Variants in CLTCL1 observed in about 807,000 individuals in gnomAD.
CLTCL1 encodes clathrin heavy chain 2.
A neutral mutation model predicts 190.0 loss-of-function variants in CLTCL1; 159 were observed. That is an observed-to-expected ratio of 0.84 (90% CI 0.74 to 0.95). The LOEUF is 0.95. Ranked by LOEUF, CLTCL1 falls within the 40% of genes least tolerant of loss-of-function variation. The pLI is 0.00. For synonymous variants in CLTCL1, 752 were observed against 769.6 expected (o/e 0.98, Z 0.38); for missense variants, 1,878 against 2,033.4 (o/e 0.92, Z 1.47).
At chr22:19,228,847 G>A (rs1237958942) in intron 11 of CLTCL1, among the ~76,000 whole-genome samples, 4 of 152,108 alleles carry the variant, frequency 2.6e-5, no homozygotes, top group African/African-American at 7.2e-5. Context: ...ACAAGTTTCA[G>A]GCCAACAAAT....
intron 3 of CLTCL1, 22 bp from the exon 4 acceptor site, chr22:19,242,958 T>C (rs1474664297): frequency 6.3e-7 from 1 of 1,598,366 alleles, no homozygotes; most frequent in South Asian, 1.1e-5. Flanking sequence ...TATTATGCAA[T>C]GAAAGGGAGA....
intron 18 of CLTCL1, among the ~76,000 whole-genome samples, chr22:19,217,822 T>C (rs1555950358): frequency 7.0e-6 from 1 of 143,750 alleles, no homozygotes; most frequent in East Asian, 2.0e-4. Context: ...CACTCCAGCC[T>C]GGTGAAGAGC....
At chr22:19,274,981 G>T (rs535567130) in intron 2 of CLTCL1, among the ~76,000 whole-genome samples, 101 of 152,094 alleles carry the variant, frequency 6.6e-4, no homozygotes, top group Non-Finnish European at 8.4e-4. Flanking sequence ...TGCCTGCCTC[G>T]GCCTCCCAAA....
chr22:19,193,418 CT>C (rs1555933648), intron 26 of CLTCL1, among the ~76,000 whole-genome samples: 1 of 152,192 alleles, frequency 6.6e-6, no homozygotes, highest in East Asian at 1.9e-4. Context: ...GGCGGGGCCC[CT>C]CTGGAGCGTC....
At chr22:19,185,338 T>TC (rs1271623750) in intron 29 of CLTCL1, among the ~76,000 whole-genome samples, 2 of 151,368 alleles carry the variant, frequency 1.3e-5, no homozygotes, top group Admixed American at 6.6e-5. Flanking sequence ...TTTTTTTTTT[T>TC]TTTCTTGAGA....
intron 3 of CLTCL1, among the ~76,000 whole-genome samples, chr22:19,252,433 T>C (rs893388850): frequency 7.2e-5 from 11 of 152,196 alleles, no homozygotes; most frequent in African/African-American, 2.7e-4. Flanking sequence ...TTCTGTGCCT[T>C]TGCATACACT....
chr22:19,222,013 G>C lies in CLTCL1; in HGVS notation c.2499C>G (p.Ile833Met), dbSNP rs782601002. The stretch of plus-strand genomic sequence containing the variant: ...TAGAGAACTGTCCTCTCACTGCCAT[G>C]ATTAAGTGTTTAATCACTTCCTCAG... ...DCSEEVIKHL[I>M]MAVRGQFSTD... The change falls in exon 16 of 33, where the codon ATC (isoleucine) becomes ATG (methionine). Residue 833 changes from isoleucine (I) to methionine (M), a missense_variant. By Grantham distance (10) the Ile-to-Met change is conservative (BLOSUM62 1). Transcript: ENST00000427926. 2.3e-5 allele frequency: 37 copies of C among 1,613,840 alleles called. No homozygotes were observed. Among genetic ancestry groups the C allele is most frequent in the Non-Finnish European group, 3.1e-5 (37 of 1,179,854 alleles).
chr22:19,183,497 A>G lies in CLTCL1; in HGVS notation c.4720T>C (p.Tyr1574His). The G allele has an allele frequency of 1.2e-6, 2 of 1,613,002 alleles. No individual in the cohort carries two copies. The highest frequency in any genetic ancestry group is 2.2e-5 in the South Asian group (2 of 91,078). Residue 1574 changes from tyrosine to histidine, a missense_variant, in exon 30 of 33, where the codon TAT becomes CAT. Transcript: ENST00000427926. ...ACCATGTCTGGGCGAAGCAGGTCAT[A>G]GCAGGTGAAGAGACAAGCTGCGAAG... The part of the protein sequence containing the change: ...ECFAACLFTC[Y>H]DLLRPDMVLE...
intron 2 of CLTCL1, among the ~76,000 whole-genome samples, chr22:19,273,273 A>T (rs1472857851): frequency 6.6e-6 from 1 of 152,220 alleles, no homozygotes; most frequent in Admixed American, 6.5e-5. Context: ...ATGATCTGAG[A>T]TTTTACTGCT....
intron 20 of CLTCL1, among the ~76,000 whole-genome samples, chr22:19,209,931 G>A (rs2085165161): frequency 6.6e-6 from 1 of 152,128 alleles, no homozygotes; most frequent in East Asian, 1.9e-4. Flanking sequence ...TGAGGAGATG[G>A]GGGAATGGGG....
At chr22:19,257,991 C>T (rs782657911) in intron 2 of CLTCL1, 20 of 591,288 alleles carry the variant, frequency 3.4e-5, no homozygotes, top group Non-Finnish European at 5.8e-5. Flanking sequence ...ACTGACAATG[C>T]CCATCTTGCT....
At position 19,225,632 on chromosome 22, in the gene CLTCL1, C is replaced by T. The variant is rs782368045; in HGVS notation, c.1949G>A (p.Trp650Ter). 1.9e-6 allele frequency: 3 copies of T among 1,568,296 alleles called. No homozygotes were observed. Among genetic ancestry groups the T allele is most frequent in the Non-Finnish European group, 1.7e-6 (2 of 1,156,574 alleles). ...VVHTHLLNPEWLVNFFGSLSV... is the reference protein window; with the variant it reads ...VVHTHLLNPE ...TAAGGAGCCAAAGAAATTGACAAGC[C>T]ACTGGGAACAAGGAAGAGTCTGTCC... The change falls in exon 13 of 33, where the codon TGG becomes TAG. Residue 650 changes from tryptophan (W) to a stop codon, truncating the protein, a stop_gained and splice_region_variant. Transcript: ENST00000427926. LOFTEE classifies it high-confidence loss of function.
At position 19,199,778 on chromosome 22, in the gene CLTCL1, C is replaced by T. The variant is rs201881044; in HGVS notation, c.3829G>A (p.Val1277Ile). The T allele has an allele frequency of 3.6e-4, 577 of 1,597,606 alleles. No individual in the cohort carries two copies. Among genetic ancestry groups the T allele is most frequent in the Non-Finnish European group, 4.4e-4 (520 of 1,172,488 alleles). The part of the protein sequence containing the change: ...RFAQLCGLHI[V>I]IHADELEELM... ...TCCTCCAGCTCATCTGCATGAATGA[C>T]GATGTGAAGACCACACAGCTGTGCG... The change falls in exon 24 of 33, where the codon GTC (valine) becomes ATC (isoleucine). Residue 1277 changes from valine (V) to isoleucine (I), a missense_variant. Physicochemically the swap from Val to Ile is conservative, Grantham distance 29. Transcript: ENST00000427926.
At chr22:19,286,718 A>G (rs1251781726) in intron 1 of CLTCL1, among the ~76,000 whole-genome samples, 1 of 152,108 alleles carries the variant, frequency 6.6e-6, no homozygotes, top group African/African-American at 2.4e-5. Flanking sequence ...ATTGACTAAC[A>G]TGTAGAAGGC....
chr22:19,259,655 G>A (rs2146150544), intron 2 of CLTCL1, among the ~76,000 whole-genome samples: 1 of 152,268 alleles, frequency 6.6e-6, no homozygotes, highest in South Asian at 2.1e-4. Context: ...CTTAATAAAT[G>A]TGTGTGTTCT....
intron 10 of CLTCL1, among the ~76,000 whole-genome samples, chr22:19,230,955 T>A (rs1258790953): frequency 2.6e-5 from 4 of 152,194 alleles, no homozygotes; most frequent in African/African-American, 9.7e-5. Flanking sequence ...TCTCTCTTTC[T>A]CCTGGAGCTG....
chr22:19,217,101 T>C (rs964623502), intron 18 of CLTCL1, among the ~76,000 whole-genome samples: 5 of 152,202 alleles, frequency 3.3e-5, no homozygotes, highest in Non-Finnish European at 4.4e-5. Context: ...ACCTTTCTGC[T>C]AGTCTTTGTG....
At chr22:19,261,489 T>A (rs189881983) in intron 2 of CLTCL1, among the ~76,000 whole-genome samples, 1 of 152,244 alleles carries the variant, frequency 6.6e-6, no homozygotes, top group Admixed American at 6.5e-5. Context: ...ATTGATAACC[T>A]CCTGGAAAGG....
In CLTCL1 at chr22:19,291,702, C is replaced by T. The variant is rs1014121965; in HGVS notation, c.-61G>A. The T allele has an allele frequency of 9.9e-6, 13 of 1,309,262 alleles. No homozygotes were observed. The African/African-American group carries it at 1.5e-4, about 15-fold the overall frequency. The allele number at this position is 1,309,262 out of a possible 1,614,324, so 81.1% of individuals were successfully genotyped here. On this transcript the variant is annotated 5_prime_UTR_variant, in exon 1 of 33. Coordinates refer to ENST00000427926, the MANE Select transcript of CLTCL1 (RefSeq NM_007098.4). ...GGCAGGAATGAACGCCGACCCCTCGCGCGGGCTGACCGGTGGCGACGGCGC... is the reference window on the plus strand; with the variant it reads ...GGCAGGAATGAACGCCGACCCCTCGTGCGGGCTGACCGGTGGCGACGGCGC...
Sources: gnomAD v4.1 joint callset for allele counts (sites outside exome capture counted in the v4.1 genomes callset) on GRCh38, gnomAD v4.1.1 for gene constraint, MANE v1.5 for transcripts, NCBI Gene and HGNC (gene_info 2026-07-23, HGNC 2026-07-21) for gene names.